Variants in FBXL7 observed in about 807,000 individuals in gnomAD.
The protein encoded by FBXL7 is F-box/LRR-repeat protein 7.
In FBXL7, 12 loss-of-function variants were observed where a neutral mutation model predicts 38.3. The observed-to-expected ratio is 0.31, with a 90% CI of 0.20 to 0.51. FBXL7 has a LOEUF of 0.51. Among genes scored for constraint, FBXL7 ranks in the 20% least tolerant of loss-of-function variants. The pLI, the probability that FBXL7 is intolerant of heterozygous loss-of-function variation, is 0.98. For missense variants in FBXL7, 567 were observed against 676.4 expected (o/e 0.84, Z 1.79); for synonymous variants, 297 against 300.9 (o/e 0.99, Z 0.13).
At chr5:15,544,377 G>T (rs1052889925) in intron 1 of FBXL7, among the ~76,000 whole-genome samples, 4 of 152,170 alleles carry the variant, frequency 2.6e-5, no homozygotes, top group African/African-American at 9.7e-5. Context: ...AGAACTCACT[G>T]GAAATACAAC....
intron 1 of FBXL7, among the ~76,000 whole-genome samples, chr5:15,556,305 G>A (rs1338674949): frequency 3.9e-5 from 6 of 152,108 alleles, no homozygotes; most frequent in Non-Finnish European, 8.8e-5. Context: ...AGGAGAAGAC[G>A]TGTGTCTGAG....
At chr5:15,644,734 C>T (rs957775531) in intron 2 of FBXL7, among the ~76,000 whole-genome samples, 17 of 152,068 alleles carry the variant, frequency 1.1e-4, no homozygotes, top group Non-Finnish European at 1.9e-4. Flanking sequence ...ATCATTGAGG[C>T]GCTCCTCACT....
intron 2 of FBXL7, among the ~76,000 whole-genome samples, chr5:15,704,910 G>C (rs1258833467): frequency 1.3e-5 from 2 of 151,384 alleles, no homozygotes; most frequent in African/African-American, 4.9e-5. Flanking sequence ...ATTATCTTAG[G>C]CATAAAGCAG....
intron 2 of FBXL7, among the ~76,000 whole-genome samples, chr5:15,838,785 G>A (rs917971291): frequency 7.9e-5 from 12 of 151,978 alleles, no homozygotes; most frequent in Admixed American, 6.6e-4. Context: ...CTTCTTCCCT[G>A]GGGAGTCTCC....
chr5:15,693,677 G>A (rs970601145), intron 2 of FBXL7, among the ~76,000 whole-genome samples: 3 of 152,168 alleles, frequency 2.0e-5, no homozygotes, highest in Non-Finnish European at 4.4e-5. Flanking sequence ...TAAGCAGCTG[G>A]ACATCAAGAG....
At chr5:15,799,744 C>A (rs1737512505) in intron 2 of FBXL7, among the ~76,000 whole-genome samples, 1 of 152,094 alleles carries the variant, frequency 6.6e-6, no homozygotes, top group Admixed American at 6.5e-5. Flanking sequence ...TTCAGTACAT[C>A]ATCACAGAGC....
chr5:15,792,694 T>G lies in FBXL7; in HGVS notation c.128-135196T>G, dbSNP rs370310753. Among the ~76,000 whole-genome samples the G allele has an allele frequency of 4.2e-4, 64 of 152,272 alleles. 2 individuals are homozygous for G. The South Asian group carries it at 0.013, about 32-fold the overall frequency. ...CTCAAGGACCCTGCTTTGTTCATGC[T>G]CTACAGCACCACCTCCCTATCATCA... On this transcript the variant is annotated intron_variant, in intron 2 of 3. Transcript: ENST00000504595.
intron 2 of FBXL7, among the ~76,000 whole-genome samples, chr5:15,842,234 G>T (rs1380349928): frequency 6.6e-6 from 1 of 152,196 alleles, no homozygotes; most frequent in East Asian, 1.9e-4. Flanking sequence ...TGACCTGGAT[G>T]TGGGATATAG....
intron 1 of FBXL7, among the ~76,000 whole-genome samples, chr5:15,506,062 C>T (rs952773016): frequency 7.9e-5 from 12 of 152,096 alleles, no homozygotes; most frequent in African/African-American, 1.4e-4. Flanking sequence ...CACAGTTTTA[C>T]GGATAGAATA....
chr5:15,578,330 C>A (rs1372140495), intron 1 of FBXL7, among the ~76,000 whole-genome samples: 1 of 152,094 alleles, frequency 6.6e-6, no homozygotes, highest in African/African-American at 2.4e-5. Context: ...AAAAAATCCC[C>A]TTTCGGCAAC....
chr5:15,557,625 C>T (rs1738286500), intron 1 of FBXL7, among the ~76,000 whole-genome samples: 1 of 152,166 alleles, frequency 6.6e-6, no homozygotes, highest in Non-Finnish European at 1.5e-5. Flanking sequence ...GTTTAGCCTG[C>T]TTCGTGAAGG....
At chr5:15,529,324 G>C (rs966796408) in intron 1 of FBXL7, among the ~76,000 whole-genome samples, 1 of 151,950 alleles carries the variant, frequency 6.6e-6, no homozygotes, top group African/African-American at 2.4e-5. Flanking sequence ...TCCAATGATA[G>C]ATACCTGGGT....
intron 2 of FBXL7, among the ~76,000 whole-genome samples, chr5:15,829,166 AAT>A (rs1368661697): frequency 6.6e-6 from 1 of 152,178 alleles, no homozygotes; most frequent in Non-Finnish European, 1.5e-5. Flanking sequence ...ATTCTTATTT[AAT>A]AGTGACCCTG....
At chr5:15,505,002 C>T (rs967504207) in intron 1 of FBXL7, among the ~76,000 whole-genome samples, 2 of 152,130 alleles carry the variant, frequency 1.3e-5, no homozygotes, top group African/African-American at 2.4e-5. Flanking sequence ...AGGGAAAGGG[C>T]GAGATCCTTG....
intron 1 of FBXL7, among the ~76,000 whole-genome samples, chr5:15,546,549 A>G (rs1737899865): frequency 6.6e-6 from 1 of 152,122 alleles, no homozygotes; most frequent in African/African-American, 2.4e-5. Context: ...CCTAGGTGAC[A>G]TAGCGAGACT....
At chr5:15,867,826 C>T (rs1267368019) in intron 2 of FBXL7, among the ~76,000 whole-genome samples, 1 of 152,128 alleles carries the variant, frequency 6.6e-6, no homozygotes, top group African/African-American at 2.4e-5. Flanking sequence ...AGGAAAAGGG[C>T]TGGGTGCAGT....
At chr5:15,646,592 T>G (rs1741540186) in intron 2 of FBXL7, among the ~76,000 whole-genome samples, 1 of 152,234 alleles carries the variant, frequency 6.6e-6, no homozygotes. Context: ...CCCAAATTGT[T>G]TACAGCTGTT....
At chr5:15,517,787 T>G (rs1736983099) in intron 1 of FBXL7, among the ~76,000 whole-genome samples, 1 of 152,208 alleles carries the variant, frequency 6.6e-6, no homozygotes, top group Admixed American at 6.5e-5. Context: ...TTAATTTAAC[T>G]CACGGCCTGG....
rs766340086 is a variant in FBXL7 at position 15,936,938 on chromosome 5, G to C, written c.1228G>C (p.Gly410Arg). 1 of 1,613,908 alleles carries C rather than the reference G, an allele frequency of 6.2e-7. No individual in the cohort carries two copies. Among genetic ancestry groups the C allele is most frequent in the Non-Finnish European group, 8.5e-7 (1 of 1,179,912 alleles). Residue 410 changes from glycine (G) to arginine (R), a missense_variant, in exon 4 of 4, where the codon GGC (glycine) becomes CGC (arginine). Physicochemically the swap from Gly to Arg is moderately radical, Grantham distance 125. Coordinates refer to ENST00000504595, the MANE Select transcript of FBXL7 (RefSeq NM_012304.5). This position sits in a 1 kb window ranked among gnomAD's most constrained non-coding sequence, Gnocchi z 6.0. ...NCTKLKSLDI[G>R]KCPLVSDTGL... Reference sequence around the variant, plus strand: ...CACCAAACTCAAATCCCTGGATATCGGCAAATGCCCTTTGGTATCCGACAC... The same window carrying C: ...CACCAAACTCAAATCCCTGGATATCCGCAAATGCCCTTTGGTATCCGACAC...
Sources: gnomAD v4.1 joint callset for allele counts (sites outside exome capture counted in the v4.1 genomes callset) on GRCh38, gnomAD v4.1.1 for gene constraint, Gnocchi (gnomAD v3.1) non-coding constraint, MANE v1.5 for transcripts, NCBI Gene and HGNC (gene_info 2026-07-23, HGNC 2026-07-21) for gene names.